LINGO2: variants seen among roughly 807,000 people sequenced by gnomAD.
LINGO2 encodes the protein leucine-rich repeat and immunoglobulin-like domain-containing nogo receptor-interacting protein 2.
LINGO2 carries 14 observed loss-of-function variants against 30.6 expected under a neutral mutation model. The observed-to-expected ratio is 0.46, with a 90% confidence interval of 0.30 to 0.72. The LOEUF (loss-of-function observed/expected upper bound fraction) is 0.72, where lower values mean the gene tolerates loss of function less well. Ranked by LOEUF, LINGO2 falls within the 30% of genes least tolerant of loss-of-function variation. LINGO2 has a pLI of 0.07. For missense variants in LINGO2, 729 were observed against 751.7 expected (o/e 0.97, Z 0.35); for synonymous variants, 317 against 288.5 (o/e 1.10, Z -1.00).
chr9:28,473,672 C>G (rs1039102516), intron 2 of LINGO2, among the ~76,000 whole-genome samples: 6 of 152,012 alleles, frequency 3.9e-5, no homozygotes, highest in African/African-American at 1.4e-4. Context: ...CTGAGTGATA[C>G]AAATCTTGGA....
intron 1 of LINGO2, among the ~76,000 whole-genome samples, chr9:28,577,735 A>G (rs909149815): frequency 6.6e-6 from 1 of 152,220 alleles, no homozygotes; most frequent in Non-Finnish European, 1.5e-5. Context: ...AAGATAAAAT[A>G]GGTGCAATAC....
chr9:28,013,153 A>T lies in LINGO2; in HGVS notation c.-86-748T>A, dbSNP rs573574811. Among the ~76,000 whole-genome samples, 9 of 152,330 alleles carry T rather than the reference A, an allele frequency of 5.9e-5. No homozygotes were observed. The South Asian group carries it at 1.7e-3, about 28-fold the overall frequency. Reference sequence around the variant, plus strand: ...TTTTCTGAGCACTGGGTCTCTAGTAACAATCAGGATTTTAGGGATGATAAA... The same window carrying T: ...TTTTCTGAGCACTGGGTCTCTAGTATCAATCAGGATTTTAGGGATGATAAA... On this transcript the variant is annotated intron_variant, in intron 4 of 5. Coordinates refer to ENST00000379992, the Ensembl canonical transcript of LINGO2.
At chr9:28,149,507 G>A (rs555999269) in intron 4 of LINGO2, among the ~76,000 whole-genome samples, 3 of 145,474 alleles carry the variant, frequency 2.1e-5, no homozygotes, top group South Asian at 4.5e-4. Context: ...CTGCCCAGCC[G>A]CCTCACAGTC....
chr9:28,761,366 G>C, the LINGO2 span, among the ~76,000 whole-genome samples: 6 of 151,706 alleles, frequency 4.0e-5, no homozygotes, highest in Non-Finnish European at 7.4e-5. Flanking sequence ...AGCACCCATG[G>C]GGAATGAAAG....
intron 4 of LINGO2, among the ~76,000 whole-genome samples, chr9:28,150,836 G>A (rs538940368): frequency 2.6e-5 from 4 of 152,254 alleles, no homozygotes; most frequent in East Asian, 1.9e-4. Flanking sequence ...CGTGGCGGTC[G>A]CCATAGTTAG....
chr9:28,450,771 A>G (rs1824618117), intron 2 of LINGO2, among the ~76,000 whole-genome samples: 1 of 151,992 alleles, frequency 6.6e-6, no homozygotes, highest in African/African-American at 2.4e-5. Flanking sequence ...TTACATTTTC[A>G]TGACTTTTTA....
the LINGO2 span, among the ~76,000 whole-genome samples, chr9:29,126,163 G>A: frequency 5.3e-3 from 809 of 152,060 alleles, 11 homozygotes; most frequent in African/African-American, 0.018. Context: ...CCCCAATTAT[G>A]TTGCTAATAA....
the LINGO2 span, among the ~76,000 whole-genome samples, chr9:29,032,663 T>C: frequency 6.6e-6 from 1 of 152,162 alleles, no homozygotes; most frequent in African/African-American, 2.4e-5. Context: ...TTATACCACA[T>C]AGTTCAGAAA....
At chr9:29,140,187 G>T in the LINGO2 span, among the ~76,000 whole-genome samples, 1 of 151,790 alleles carries the variant, frequency 6.6e-6, no homozygotes, top group Non-Finnish European at 1.5e-5. Context: ...AAGAAACCAG[G>T]AAACATTAAC....
At chr9:29,110,372 G>A in the LINGO2 span, among the ~76,000 whole-genome samples, 2 of 151,740 alleles carry the variant, frequency 1.3e-5, no homozygotes, top group Middle Eastern at 3.4e-3. Context: ...TTGCTCCGTC[G>A]CCCAGGCTGG....
intron 4 of LINGO2, among the ~76,000 whole-genome samples, chr9:28,144,416 C>G (rs1827757837): frequency 6.6e-6 from 1 of 152,138 alleles, no homozygotes; most frequent in African/African-American, 2.4e-5. Context: ...AGAGAAAGGC[C>G]TGTGAATAGG....
At chr9:28,215,035 A>G (rs34167098) in intron 4 of LINGO2, among the ~76,000 whole-genome samples, 19,339 of 151,606 alleles carry the variant, frequency 0.13, 1,368 homozygotes, top group African/African-American at 0.18. Flanking sequence ...TCTTTCTTCT[A>G]CAGGAAATGT....
intron 4 of LINGO2, among the ~76,000 whole-genome samples, chr9:28,026,067 C>G (rs912129153): frequency 1.1e-4 from 16 of 152,156 alleles, no homozygotes; most frequent in Non-Finnish European, 2.4e-4. Flanking sequence ...GCTACTGAGG[C>G]CTTCCTTTGC....
chr9:28,487,119 C>G (rs1261867538), intron 1 of LINGO2, among the ~76,000 whole-genome samples: 3 of 152,116 alleles, frequency 2.0e-5, no homozygotes, highest in Non-Finnish European at 2.9e-5. Context: ...CAGTTCCTCA[C>G]TAATCTAACA....
the LINGO2 span, among the ~76,000 whole-genome samples, chr9:29,002,560 C>T: frequency 6.6e-6 from 1 of 152,004 alleles, no homozygotes; most frequent in Non-Finnish European, 1.5e-5. Context: ...AGATATAGCT[C>T]GTAACACTTT....
chr9:29,020,406 C>A, the LINGO2 span, among the ~76,000 whole-genome samples: 1 of 152,066 alleles, frequency 6.6e-6, no homozygotes, highest in Admixed American at 6.5e-5. Context: ...TAATCCATAC[C>A]CAGGTATAAT....
the LINGO2 span, among the ~76,000 whole-genome samples, chr9:29,212,219 C>G: frequency 5.9e-5 from 9 of 151,994 alleles, no homozygotes; most frequent in Non-Finnish European, 1.3e-4. Flanking sequence ...AGCTCGGAAG[C>G]GCGCCGGGAC....
chr9:28,625,361 G>C (rs768928381), intron 1 of LINGO2, among the ~76,000 whole-genome samples: 1 of 152,120 alleles, frequency 6.6e-6, no homozygotes, highest in Non-Finnish European at 1.5e-5. Context: ...CAGGAGATGG[G>C]GGAGAGGTGA....
At chr9:28,586,716 A>G (rs1284626533) in intron 1 of LINGO2, among the ~76,000 whole-genome samples, 4 of 152,100 alleles carry the variant, frequency 2.6e-5, no homozygotes, top group South Asian at 2.1e-4. Context: ...TCAAGGAAAG[A>G]AGTCAATTTC....
Sources: gnomAD v4.1 joint callset for allele counts (sites outside exome capture counted in the v4.1 genomes callset) on GRCh38, gnomAD v4.1.1 for gene constraint, MANE v1.5 for transcripts, NCBI Gene and HGNC (gene_info 2026-07-23, HGNC 2026-07-21) for gene names.